The following MGST2 variants were observed in gnomAD, a reference collection of about 807,000 sequenced individuals.
The protein encoded by MGST2 is glutathione peroxidase MGST2.
In MGST2, 9 loss-of-function variants were observed where a neutral mutation model predicts 16.6. That is an observed-to-expected ratio of 0.54 (90% CI 0.33 to 0.95). MGST2 has a LOEUF of 0.95. MGST2 is among the 40% of genes least tolerant of loss of function. The pLI, the probability that MGST2 is intolerant of heterozygous loss-of-function variation, is 0.03. For missense variants in MGST2, 159 were observed against 175.1 expected (o/e 0.91, Z 0.52); for synonymous variants, 79 against 68.0 (o/e 1.16, Z -0.79).
chr4:139,749,807 T>C, the MGST2 span, among the ~76,000 whole-genome samples: 2 of 152,120 alleles, frequency 1.3e-5, no homozygotes, highest in Non-Finnish European at 2.9e-5. Flanking sequence ...CAGTAATTAT[T>C]TTACAGTTAT....
rs537135528 is a variant in MGST2, at chr4:139,725,766, C to A, written c.*49-14446C>A. On this transcript the variant is annotated intron_variant, in intron 5 of 5. Transcript: ENST00000616265. ...CTGGCCTCACCTTGAAACTGATTGA[C>A]CTGCTGCACTGGGTATGGATTCCGC... 3 of 1,613,932 alleles carry A rather than the reference C, an allele frequency of 1.9e-6. No individual in the cohort carries two copies. In the East Asian group the frequency reaches 6.7e-5, roughly 36 times the overall value.
intron 5 of MGST2, among the ~76,000 whole-genome samples, chr4:139,739,361 C>T (rs1729073797): frequency 6.6e-6 from 1 of 152,178 alleles, no homozygotes; most frequent in Non-Finnish European, 1.5e-5. Flanking sequence ...ACCATTTGTC[C>T]TTATCAGTGC....
At chr4:139,701,983 A>T (rs1727274173) in intron 3 of MGST2, among the ~76,000 whole-genome samples, 1 of 149,168 alleles carries the variant, frequency 6.7e-6, no homozygotes, top group Non-Finnish European at 1.5e-5. Flanking sequence ...AAAAAAAATC[A>T]TGCGGCCAAG....
intron 4 of MGST2, 144 bp downstream of exon 4, chr4:139,703,680 A>G: frequency 1.2e-6 from 1 of 811,968 alleles, no homozygotes. Context: ...AAGTCTTGCC[A>G]GTTCATACAC....
At chr4:139,687,452 C>CCAG (rs1394600197) in intron 2 of MGST2, among the ~76,000 whole-genome samples, 66 of 152,304 alleles carry the variant, frequency 4.3e-4, no homozygotes, top group African/African-American at 1.6e-3. Context: ...CAGTTCAGTC[C>CCAG]AAAGCCTACT....
chr4:139,729,536 G>T (rs1285479865), intron 5 of MGST2, among the ~76,000 whole-genome samples: 29 of 152,096 alleles, frequency 1.9e-4, no homozygotes, highest in Admixed American at 1.9e-3. Flanking sequence ...ACTTATGTTG[G>T]GCCTTCAGCT....
intron 5 of MGST2, among the ~76,000 whole-genome samples, chr4:139,725,148 G>A (rs189080532): frequency 3.0e-4 from 45 of 152,244 alleles, no homozygotes; most frequent in Non-Finnish European, 5.4e-4. Context: ...CATACAGTGC[G>A]CCCACTGCTA....
intron 1 of MGST2, among the ~76,000 whole-genome samples, chr4:139,669,698 A>G (rs1730567283): frequency 6.6e-6 from 1 of 152,246 alleles, no homozygotes; most frequent in African/African-American, 2.4e-5. Flanking sequence ...CACCCTCTGA[A>G]GGTTCACTGA....
intron 2 of MGST2, among the ~76,000 whole-genome samples, chr4:139,682,567 ACTTTGGCTTTTCT>A (rs1414509875): frequency 5.9e-5 from 9 of 152,144 alleles, no homozygotes; most frequent in Non-Finnish European, 1.0e-4. Context: ...ACTGTAGGGG[ACTTTGGCTTTTCT>A]CTGAGTGAAA....
chr4:139,728,482 TG>T, intron 5 of MGST2, among the ~76,000 whole-genome samples: 1 of 152,346 alleles, frequency 6.6e-6, no homozygotes, highest in South Asian at 2.1e-4. Flanking sequence ...TGAGGTGGGC[TG>T]GGAAATTATT....
chr4:139,715,768 G>A lies in MGST2; in HGVS notation c.*48+11572G>A, dbSNP rs562303338. On this transcript the variant is annotated intron_variant, in intron 5 of 5. Transcript: ENST00000616265. The surrounding 1 kb of genome is among the most constrained non-coding windows in gnomAD (Gnocchi z 4.4). ...AGGACGACCAGAGGTCACCCTCGTC[G>A]CTATTTTGGTTTTGGTGGGCTTTGG... Among the ~76,000 whole-genome samples, 1 of 152,146 alleles carries A rather than the reference G, an allele frequency of 6.6e-6. No homozygotes were observed.
chr4:139,703,301 T>C (rs566668289), intron 3 of MGST2, among the ~76,000 whole-genome samples, 154 bp from the exon 4 acceptor site: 185 of 152,322 alleles, frequency 1.2e-3, no homozygotes, highest in African/African-American at 4.1e-3. Flanking sequence ...ATTGGCACAT[T>C]TGTTTCCTTC....
intron 1 of MGST2, among the ~76,000 whole-genome samples, chr4:139,674,291 T>G (rs1730853149): frequency 6.6e-6 from 1 of 152,130 alleles, no homozygotes; most frequent in Non-Finnish European, 1.5e-5. Flanking sequence ...AAAGTCTATA[T>G]CCAGGTCATA....
intron 1 of MGST2, among the ~76,000 whole-genome samples, chr4:139,674,657 T>C (rs982808218): frequency 6.6e-6 from 1 of 152,128 alleles, no homozygotes; most frequent in African/African-American, 2.4e-5. Context: ...GGCACATGCC[T>C]GTAATCCCAG....
chr4:139,752,513 T>C, the MGST2 span, among the ~76,000 whole-genome samples: 2 of 152,076 alleles, frequency 1.3e-5, no homozygotes, highest in Non-Finnish European at 2.9e-5. Flanking sequence ...ACCGTCTTCT[T>C]TGGGGTCAAA....
chr4:139,750,039 A>T, the MGST2 span, among the ~76,000 whole-genome samples: 1 of 152,174 alleles, frequency 6.6e-6, no homozygotes, highest in Admixed American at 6.5e-5. Context: ...TTGTACCCTG[A>T]AGTGCCAATA....
At chr4:139,675,789 A>G (rs1338869906) in intron 1 of MGST2, among the ~76,000 whole-genome samples, 3 of 152,216 alleles carry the variant, frequency 2.0e-5, no homozygotes, top group African/African-American at 7.2e-5. Flanking sequence ...TTTGGTCCAT[A>G]TTAGCCACAT....
chr4:139,717,359 G>A (rs1312898854), intron 5 of MGST2: 1 of 152,484 alleles, frequency 6.6e-6, no homozygotes, highest in Admixed American at 6.5e-5. Flanking sequence ...TATGTTTTGT[G>A]TCTTCTCATT....
intron 3 of MGST2, among the ~76,000 whole-genome samples, chr4:139,695,631 A>G (rs527864098): frequency 1.3e-5 from 2 of 152,280 alleles, no homozygotes; most frequent in East Asian, 3.9e-4. Flanking sequence ...AAAACAAACA[A>G]AAAAAGGAGC....
Sources: allele counts gnomAD v4.1 joint callset (sites outside exome capture counted in the v4.1 genomes callset), GRCh38; gene constraint gnomAD v4.1.1; non-coding constraint Gnocchi (gnomAD v3.1); transcripts MANE v1.5; gene names NCBI Gene and HGNC (gene_info 2026-07-23, HGNC 2026-07-21).